FRYL: variants seen among roughly 807,000 people sequenced by gnomAD.
FRYL encodes the protein FRY like transcription coactivator.
A neutral mutation model predicts 351.2 loss-of-function variants in FRYL; 150 were observed. The observed-to-expected ratio is 0.43, with a 90% CI of 0.37 to 0.49. The LOEUF is 0.49. Ranked by LOEUF, FRYL falls within the 20% of genes least tolerant of loss-of-function variation. The pLI, the probability that FRYL is intolerant of heterozygous loss-of-function variation, is 0.00. For missense variants in FRYL, 3,036 were observed against 3,619.3 expected (o/e 0.84, Z 4.13); for synonymous variants, 1,153 against 1,257.1 (o/e 0.92, Z 1.75).
At chr4:48,648,230 C>T (rs1242233178) in intron 3 of FRYL, among the ~76,000 whole-genome samples, 5 of 152,140 alleles carry the variant, frequency 3.3e-5, no homozygotes, top group Admixed American at 1.3e-4. Flanking sequence ...TTGATGAAAT[C>T]ACCCCAATCA....
At chr4:48,729,111 G>A (rs1243141566) in intron 1 of FRYL, among the ~76,000 whole-genome samples, 1 of 152,248 alleles carries the variant, frequency 6.6e-6, no homozygotes, top group Non-Finnish European at 1.5e-5. Flanking sequence ...ACGGAGCCTT[G>A]CTCACTGCTA....
At chr4:48,576,350 G>A (rs1261331200) in intron 23 of FRYL, 128 bp from the exon 24 acceptor site, 5 of 670,544 alleles carry the variant, frequency 7.5e-6, no homozygotes, top group Non-Finnish European at 1.2e-5. Flanking sequence ...CACCCAGGCC[G>A]GAGTGCAACT....
At chr4:48,620,536 G>T in intron 6 of FRYL, 103 bp downstream of exon 6, 1 of 1,181,714 alleles carries the variant, frequency 8.5e-7, no homozygotes, top group Non-Finnish European at 1.2e-6. Context: ...AATCAACGCA[G>T]TTTGCTTAGG....
intron 1 of FRYL, among the ~76,000 whole-genome samples, chr4:48,728,610 G>T (rs566356765): frequency 1.3e-5 from 2 of 152,048 alleles, no homozygotes; most frequent in African/African-American, 4.8e-5. Flanking sequence ...CAAATCATAC[G>T]CAACTACAGA....
chr4:48,546,448 G>C, intron 41 of FRYL, 177 bp from the exon 42 acceptor site: 1 of 601,466 alleles, frequency 1.7e-6, no homozygotes, highest in Non-Finnish European at 3.0e-6. Flanking sequence ...CAGCAAGTAA[G>C]TTTTGGGGCA....
At chr4:48,710,291 C>T (rs1359987958) in intron 2 of FRYL, among the ~76,000 whole-genome samples, 1 of 152,122 alleles carries the variant, frequency 6.6e-6, no homozygotes, top group African/African-American at 2.4e-5. Flanking sequence ...ACAAATAAGG[C>T]ACATAAAGTG....
intron 59 of FRYL, among the ~76,000 whole-genome samples, chr4:48,508,027 T>C (rs1721651615): frequency 6.6e-6 from 1 of 152,108 alleles, no homozygotes; most frequent in Admixed American, 6.6e-5. Context: ...GAAAATTAAA[T>C]AGGGCAGACA....
intron 57 of FRYL, among the ~76,000 whole-genome samples, chr4:48,511,332 T>C (rs1433667334): frequency 2.0e-5 from 3 of 152,186 alleles, no homozygotes; most frequent in East Asian, 1.9e-4. Context: ...TCAAAAGTTA[T>C]TACCTGAAAG....
chr4:48,652,807 T>C (rs1757990076), intron 3 of FRYL, among the ~76,000 whole-genome samples: 2 of 152,224 alleles, frequency 1.3e-5, no homozygotes, highest in African/African-American at 4.8e-5. Context: ...TGATATTTTA[T>C]ACATTAGTTT....
chr4:48,678,961 CA>C (rs1196468743), intron 3 of FRYL, among the ~76,000 whole-genome samples: 1 of 151,530 alleles, frequency 6.6e-6, no homozygotes, highest in Non-Finnish European at 1.5e-5. Flanking sequence ...AAAAAAGAAC[CA>C]GTTAAGAGAT....
chr4:48,564,709 T>C (rs1482538129), intron 30 of FRYL, among the ~76,000 whole-genome samples: 8 of 152,256 alleles, frequency 5.3e-5, no homozygotes, highest in Admixed American at 3.9e-4. Flanking sequence ...GTATTAATCC[T>C]ATAATATAAA....
At chr4:48,516,396 C>T (rs1038697674) in intron 55 of FRYL, among the ~76,000 whole-genome samples, 1 of 152,120 alleles carries the variant, frequency 6.6e-6, no homozygotes, top group Non-Finnish European at 1.5e-5. Context: ...ACTTTCAAAG[C>T]ATATATGATG....
rs187098471 is a variant in FRYL at position 48,569,508 on chromosome 4, T to C, written c.2996+1319A>G. ...TTTTGGTAGAGACGGGGTTTCGCCA[T>C]GTTGGCCAGGATAGTCTGACCTCAG... On this transcript the variant is annotated intron_variant, in intron 27 of 63. Transcript: ENST00000358350. Among the ~76,000 whole-genome samples, 41 of 152,352 alleles carry C rather than the reference T, an allele frequency of 2.7e-4. No homozygotes were observed. In the South Asian group the frequency reaches 4.3e-3, roughly 16 times the overall value.
At chr4:48,772,339 T>C (rs967711625) in intron 1 of FRYL, among the ~76,000 whole-genome samples, 3 of 152,144 alleles carry the variant, frequency 2.0e-5, no homozygotes, top group Non-Finnish European at 4.4e-5. Context: ...TGAGCCGTGA[T>C]TGCACCACTG....
At chr4:48,559,792 A>G (rs2149044652) in intron 33 of FRYL, among the ~76,000 whole-genome samples, 1 of 152,094 alleles carries the variant, frequency 6.6e-6, no homozygotes, top group East Asian at 1.9e-4. Context: ...GAAAAGGAAT[A>G]CTCAACGGTA....
chr4:48,729,397 C>T lies in FRYL; in HGVS notation c.-383-18699G>A, dbSNP rs544927692. 2.6e-5 allele frequency among the ~76,000 whole-genome samples: 4 copies of T among 152,330 alleles called. No individual in the cohort carries two copies. The South Asian group carries it at 6.2e-4, about 24-fold the overall frequency. Reference sequence around the variant, plus strand: ...GAAGAGAGCAGCTGTTCTCCCAGCACGGTGTTCGAGCTCTGATAACGGACA... The same window carrying T: ...GAAGAGAGCAGCTGTTCTCCCAGCATGGTGTTCGAGCTCTGATAACGGACA... On this transcript the variant is annotated intron_variant, in intron 1 of 63. Coordinates refer to ENST00000358350, the MANE Select transcript of FRYL (RefSeq NM_015030.2).
Position 48,609,743 on chromosome 4 carries a change from C to T in FRYL, c.491+1G>A. ...CAATCCCAAGTTAGTATTTTACTTACCCTTCCTTATGTTTAAAGTGCTTAA... is the reference window on the plus strand; with the variant it reads ...CAATCCCAAGTTAGTATTTTACTTATCCTTCCTTATGTTTAAAGTGCTTAA... On this transcript the variant is annotated splice_donor_variant, in intron 8 of 63. Transcript: ENST00000358350. LOFTEE classifies it high-confidence loss of function. The T allele has an allele frequency of 6.7e-7, 1 of 1,497,920 alleles. No individual in the cohort carries two copies. The highest frequency in any genetic ancestry group is 1.2e-5 in the South Asian group (1 of 80,790). 92.8% of individuals were successfully genotyped at this position (1,497,920 alleles called of 1,614,324 possible).
intron 59 of FRYL, among the ~76,000 whole-genome samples, chr4:48,507,862 G>A (rs970330382): frequency 3.3e-5 from 5 of 152,116 alleles, no homozygotes; most frequent in Admixed American, 3.3e-4. Flanking sequence ...AGGGGGAGAG[G>A]CTACAAAACC....
At chr4:48,625,515 A>C (rs556904296) in intron 4 of FRYL, among the ~76,000 whole-genome samples, 3 of 152,192 alleles carry the variant, frequency 2.0e-5, no homozygotes, top group Non-Finnish European at 4.4e-5. Flanking sequence ...ACATGTACAG[A>C]CTTGTGTCAT....
Sources: allele counts gnomAD v4.1 joint callset (sites outside exome capture counted in the v4.1 genomes callset), GRCh38; gene constraint gnomAD v4.1.1; transcripts MANE v1.5; gene names NCBI Gene and HGNC (gene_info 2026-07-23, HGNC 2026-07-21).